Variants in CACNB1 observed in about 807,000 individuals in gnomAD.
The protein encoded by CACNB1 is voltage-dependent L-type calcium channel subunit beta-1.
A neutral mutation model predicts 71.6 loss-of-function variants in CACNB1; 29 were observed. That is an observed-to-expected ratio of 0.40 (90% CI 0.30 to 0.55). CACNB1 has a LOEUF of 0.55. Among genes scored for constraint, CACNB1 ranks in the 20% least tolerant of loss-of-function variants. The pLI, the probability that CACNB1 is intolerant of heterozygous loss-of-function variation, is 0.38. For missense variants in CACNB1, 623 were observed against 801.8 expected (o/e 0.78, Z 2.69); for synonymous variants, 300 against 319.6 (o/e 0.94, Z 0.65).
rs774694063 is a variant in CACNB1, at chr17:39,184,142, TG to T, written c.789-3del. ...GCCGTCACACGAGTGATGGAGATCC[TG>T]GGGAATGGGGCAAGAGGGGAGTCAG... On this transcript the variant is annotated splice_region_variant and splice_polypyrimidine_tract_variant and intron_variant, in intron 9 of 13. Coordinates refer to ENST00000394303, the MANE Select transcript of CACNB1 (RefSeq NM_000723.5). 27 of 1,595,476 alleles carry T rather than the reference TG, an allele frequency of 1.7e-5. No individual in the cohort carries two copies. In the East Asian group the frequency reaches 4.7e-4, roughly 28 times the overall value.
chr17:39,197,416 G>A lies in CACNB1; in HGVS notation c.80C>T (p.Pro27Leu), dbSNP rs1445718873. ...GGCCGGGCCACCACGCCTCACCTGC[G>A]GGCTGGGGTCGAAGACCTCCATGGG... ...EIPMEVFDPS[P>L]QGKYSKRKGR... The change falls in exon 1 of 14, where the codon CCG (proline) becomes CTG (leucine). Residue 27 changes from proline (P) to leucine (L), a missense_variant. By Grantham distance (98) the Pro-to-Leu change is moderately conservative. Coordinates refer to ENST00000394303, the MANE Select transcript of CACNB1 (RefSeq NM_000723.5). 4 of 1,459,322 alleles carry A rather than the reference G, an allele frequency of 2.7e-6. No homozygotes were observed. In the East Asian group the frequency reaches 1.2e-4, roughly 44 times the overall value. 90.4% of individuals were successfully genotyped at this position (1,459,322 alleles called of 1,614,324 possible).
chr17:39,185,698 C>A (rs900069010), intron 6 of CACNB1, among the ~76,000 whole-genome samples: 2 of 152,002 alleles, frequency 1.3e-5, no homozygotes, highest in Non-Finnish European at 2.9e-5. Flanking sequence ...GGGTTCATGA[C>A]CACCAAACCC....
chr17:39,187,738 G>T, intron 3 of CACNB1, 137 bp from the exon 4 acceptor site: 4 of 1,040,400 alleles, frequency 3.8e-6, no homozygotes, highest in Non-Finnish European at 5.7e-6. Flanking sequence ...CATGGGCAGG[G>T]TGTGGTGGCT....
At position 39,194,721 on chromosome 17, in the gene CACNB1, C is replaced by T. The variant is rs2046166888; in HGVS notation, c.171+163G>A. Among the ~76,000 whole-genome samples the T allele has an allele frequency of 6.6e-6, 1 of 152,100 alleles. No homozygotes were observed. The highest frequency in any genetic ancestry group is 6.5e-5 in the Admixed American group (1 of 15,272). ...CTGAGCGAGTGGGTGCCGCTGACAG[C>T]ACATCCAGAAGAGGTCATGGGGTGT... On this transcript the variant is annotated intron_variant, in intron 2 of 13. Transcript: ENST00000394303. The surrounding 1 kb of genome is among the most constrained non-coding windows in gnomAD (Gnocchi z 4.6).
At position 39,173,902 on chromosome 17, in the gene CACNB1, AGGG is replaced by A. The variant is rs2045516683; in HGVS notation, c.*1288_*1290del. 6.6e-6 allele frequency: 1 copy of A among 152,358 alleles called. No homozygotes were observed. Among genetic ancestry groups the A allele is most frequent in the African/African-American group, 2.4e-5 (1 of 41,114 alleles). The allele number at this position is 152,358 out of a possible 1,614,324, so 9.4% of individuals were successfully genotyped here. On this transcript the variant is annotated 3_prime_UTR_variant, in exon 14 of 14. Transcript: ENST00000394303. ...TGGGGGCACAGGACACCAGACAGGGAGGGGGGAAGGGAGGGCAGTGGTGTCTTC... is the reference window on the plus strand; with the variant it reads ...TGGGGGCACAGGACACCAGACAGGGAGGGAAGGGAGGGCAGTGGTGTCTTC...
At chr17:39,184,442 A>C (rs1202529144) in intron 8 of CACNB1, 59 bp from the exon 9 acceptor site, 1 of 951,756 alleles carries the variant, frequency 1.1e-6, no homozygotes, top group African/African-American at 1.6e-5. Context: ...AAAGCCGCTC[A>C]GACTCTGAGT....
chr17:39,180,976 G>A (rs1362558056), intron 11 of CACNB1, among the ~76,000 whole-genome samples: 1 of 152,128 alleles, frequency 6.6e-6, no homozygotes, highest in Non-Finnish European at 1.5e-5. Context: ...CAAAAAATAA[G>A]ATTTTTTTGA....
At chr17:39,180,272 A>AC (rs1349871365) in intron 11 of CACNB1, among the ~76,000 whole-genome samples, 3 of 152,002 alleles carry the variant, frequency 2.0e-5, no homozygotes, top group African/African-American at 7.2e-5. Flanking sequence ...CAAAAAAAAA[A>AC]AAAACCAAAT....
At chr17:39,178,399 A>T (rs801232) in intron 11 of CACNB1, 30,506 of 183,084 alleles carry the variant, frequency 0.17, 3,587 homozygotes, top group African/African-American at 0.37. Flanking sequence ...TTTTTTTTTT[A>T]AATTTTAGAG....
intron 12 of CACNB1, among the ~76,000 whole-genome samples, chr17:39,177,747 A>G (rs1159190515): frequency 1.1e-4 from 16 of 152,198 alleles, no homozygotes; most frequent in Non-Finnish European, 4.4e-5. Context: ...CCCTCATTCT[A>G]GAGATAAGGC....
intron 11 of CACNB1, chr17:39,182,980 T>C (rs1299014727): frequency 9.2e-6 from 9 of 983,384 alleles, no homozygotes; most frequent in Non-Finnish European, 1.1e-5. Flanking sequence ...CCTCAACTCT[T>C]CCTCCGTGTT....
rs370309399 is a variant in CACNB1, at chr17:39,187,620, G to A, written c.292-19C>T. The A allele has an allele frequency of 2.5e-6, 4 of 1,613,862 alleles. No individual in the cohort carries two copies. The highest frequency in any genetic ancestry group is 1.7e-5 in the Admixed American group (1 of 59,990). On this transcript the variant is annotated intron_variant, in intron 3 of 13. Coordinates refer to ENST00000394303, the MANE Select transcript of CACNB1 (RefSeq NM_000723.5). ...GCTTGGTCTAGAGGAGGCACACAGG[G>A]GAGGATGGCAACTAGAGGGCAAACC...
chr17:39,180,831 G>A (rs2144104018), intron 11 of CACNB1, among the ~76,000 whole-genome samples: 1 of 152,100 alleles, frequency 6.6e-6, no homozygotes, highest in Middle Eastern at 3.4e-3. Flanking sequence ...ACCTGCCTCA[G>A]CCTCCCAAAG....
At position 39,197,581 on chromosome 17, in the gene CACNB1, G is replaced by T; in HGVS notation, c.-86C>A. On this transcript the variant is annotated 5_prime_UTR_variant, in exon 1 of 14. Transcript: ENST00000394303. ...AGAGGCCGTGGGAGCCGAAAGCAGCGCGGCGCAGCCAGCACCCGGTCCAGC... is the reference window on the plus strand; with the variant it reads ...AGAGGCCGTGGGAGCCGAAAGCAGCTCGGCGCAGCCAGCACCCGGTCCAGC... 2 of 1,063,878 alleles carry T rather than the reference G, an allele frequency of 1.9e-6. No individual in the cohort carries two copies. Among genetic ancestry groups the T allele is most frequent in the Non-Finnish European group, 1.3e-6 (1 of 757,844 alleles). The allele number at this position is 1,063,878 out of a possible 1,614,324, so 65.9% of individuals were successfully genotyped here.
intron 10 of CACNB1, 24 bp from the exon 11 acceptor site, chr17:39,183,888 TG>T: frequency 6.2e-7 from 1 of 1,606,280 alleles, no homozygotes; most frequent in Non-Finnish European, 8.5e-7. Flanking sequence ...GTCATGTGGA[TG>T]GGGGAATGTC....
rs1359492417 is a variant in CACNB1 at position 39,186,055 on chromosome 17, C to T, written c.628+441G>A. The T allele has an allele frequency of 6.2e-7, 1 of 1,614,068 alleles. No individual in the cohort carries two copies. The highest frequency in any genetic ancestry group is 1.1e-5 in the South Asian group (1 of 91,088). On this transcript the variant is annotated intron_variant, in intron 6 of 13. Coordinates refer to ENST00000394303, the MANE Select transcript of CACNB1 (RefSeq NM_000723.5). The surrounding 1 kb of genome is among the most constrained non-coding windows in gnomAD (Gnocchi z 4.1). ...GCTCACCAAGCTCAGCCTCTTCCTC[C>T]TCTAACTCTAGGGGGTCTAGTTCAA...
chr17:39,197,177 A>T (rs985262284), intron 1 of CACNB1, among the ~76,000 whole-genome samples: 1 of 152,052 alleles, frequency 6.6e-6, no homozygotes, highest in African/African-American at 2.4e-5. Flanking sequence ...CGGGGGAGAT[A>T]AGGAGGCGAG....
chr17:39,184,300 C>T (rs1292862251), intron 9 of CACNB1, 25 bp downstream of exon 9: 15 of 1,497,030 alleles, frequency 1.0e-5, no homozygotes, highest in Admixed American at 3.9e-5. Flanking sequence ...ACGGCAGGTG[C>T]GAGGAGCAGC....
chr17:39,177,319 G>T, intron 13 of CACNB1, 31 bp downstream of exon 13: 1 of 1,612,280 alleles, frequency 6.2e-7, no homozygotes, highest in Non-Finnish European at 8.5e-7. Flanking sequence ...CAGAAGCCGA[G>T]GTTTCTCCTG....
Sources: allele counts gnomAD v4.1 joint callset (sites outside exome capture counted in the v4.1 genomes callset), GRCh38; gene constraint gnomAD v4.1.1; non-coding constraint Gnocchi (gnomAD v3.1); transcripts MANE v1.5; gene names NCBI Gene and HGNC (gene_info 2026-07-23, HGNC 2026-07-21).